The following TENM3 variants were observed in gnomAD, a reference collection of about 807,000 sequenced individuals.
TENM3 encodes teneurin-3.
In TENM3, 63 loss-of-function variants were observed where a neutral mutation model predicts 255.1. The ratio of observed to expected loss-of-function variants is 0.25; its 90% CI spans 0.20 to 0.30. The LOEUF is 0.30. Among genes scored for constraint, TENM3 ranks in the 10% least tolerant of loss-of-function variants. The pLI, the probability that TENM3 is intolerant of heterozygous loss-of-function variation, is 1.00. For synonymous variants in TENM3, 1,306 were observed against 1,322.3 expected (o/e 0.99, Z 0.27); for missense variants, 2,929 against 3,461.1 (o/e 0.85, Z 3.86).
Position 182,601,004 on chromosome 4 carries a change from C to T in TENM3, c.592C>T (p.Pro198Ser), listed in dbSNP as rs371191094. ...SHKQHSAQHHPSITSLNRNSL... is the reference protein window; with the variant it reads ...SHKQHSAQHHSSITSLNRNSL... ...TAAGCAGCACTCTGCACAGCATCAT[C>T]CATCCATCACTTCTCTCAACAGAAA... The change falls in exon 4 of 28, where the codon CCA becomes TCA. Residue 198 changes from proline (P) to serine (S), a missense_variant. This residue lies in a region of TENM3 where 283 missense variants were observed against 256.9 expected (regional missense o/e 1.10). Coordinates refer to ENST00000511685, the MANE Select transcript of TENM3 (RefSeq NM_001080477.4). 6.8e-6 allele frequency: 11 copies of T among 1,609,384 alleles called. No homozygotes were observed. The African/African-American group carries it at 1.4e-4, about 20-fold the overall frequency.
the TENM3 span, among the ~76,000 whole-genome samples, chr4:181,972,879 T>C: frequency 1.2e-4 from 19 of 152,320 alleles, no homozygotes; most frequent in African/African-American, 4.6e-4. Context: ...CACATTGTTA[T>C]ACACATTAAT....
chr4:182,246,746 G>A (rs1757680754), intron 1 of TENM3, among the ~76,000 whole-genome samples: 2 of 152,196 alleles, frequency 1.3e-5, no homozygotes, highest in African/African-American at 4.8e-5. Flanking sequence ...GGGCGGGGGC[G>A]TTCCCTCCCT....
chr4:182,206,326 G>A (rs1394468461), intron 1 of TENM3, among the ~76,000 whole-genome samples: 1 of 152,152 alleles, frequency 6.6e-6, no homozygotes, highest in Admixed American at 6.5e-5. Context: ...CAGAGCCTCA[G>A]GATTGCTCCA....
At chr4:181,938,511 T>G in the TENM3 span, among the ~76,000 whole-genome samples, 1 of 152,246 alleles carries the variant, frequency 6.6e-6, no homozygotes, top group Non-Finnish European at 1.5e-5. Flanking sequence ...TGTTCACTTT[T>G]CGTTGTCCAC....
chr4:182,397,602 G>A (rs1421954269), intron 3 of TENM3, among the ~76,000 whole-genome samples: 7 of 151,998 alleles, frequency 4.6e-5, no homozygotes, highest in Non-Finnish European at 7.4e-5. Flanking sequence ...GGCTGAGAAA[G>A]GTTAGAATCA....
chr4:182,092,658 T>A, the TENM3 span, among the ~76,000 whole-genome samples: 1 of 152,134 alleles, frequency 6.6e-6, no homozygotes, highest in South Asian at 2.1e-4. Flanking sequence ...AAAATAAAAA[T>A]AAACATAAAT....
the TENM3 span, among the ~76,000 whole-genome samples, chr4:181,584,754 T>G: frequency 6.6e-6 from 1 of 152,266 alleles, no homozygotes; most frequent in Non-Finnish European, 1.5e-5. Flanking sequence ...CTTTTTAAAA[T>G]TACAATTGCA....
At chr4:181,887,070 T>C in the TENM3 span, among the ~76,000 whole-genome samples, 1 of 152,190 alleles carries the variant, frequency 6.6e-6, no homozygotes, top group Non-Finnish European at 1.5e-5. Context: ...TTCTACAGTG[T>C]ACTTTAAAAA....
At chr4:181,988,171 C>T in the TENM3 span, among the ~76,000 whole-genome samples, 1 of 152,028 alleles carries the variant, frequency 6.6e-6, no homozygotes, top group African/African-American at 2.4e-5. Flanking sequence ...CCTTCACTAT[C>T]GTATCTTTTT....
chr4:181,751,340 A>G, the TENM3 span, among the ~76,000 whole-genome samples: 666 of 150,870 alleles, frequency 4.4e-3, 3 homozygotes, highest in Non-Finnish European at 5.8e-3. Flanking sequence ...CCAACAAACC[A>G]TCTTGTTTTC....
At chr4:182,637,659 G>A (rs560757169) in intron 5 of TENM3, among the ~76,000 whole-genome samples, 2 of 152,284 alleles carry the variant, frequency 1.3e-5, no homozygotes, top group South Asian at 4.1e-4. Flanking sequence ...TATTTATCAG[G>A]TGACTACCAT....
At chr4:182,724,614 C>T (rs1375875217) in intron 13 of TENM3, among the ~76,000 whole-genome samples, 3 of 152,218 alleles carry the variant, frequency 2.0e-5, no homozygotes, top group African/African-American at 7.2e-5. Flanking sequence ...CTGCAGACTA[C>T]ATGCCAGATG....
chr4:182,088,988 C>T, the TENM3 span, among the ~76,000 whole-genome samples: 1 of 152,044 alleles, frequency 6.6e-6, no homozygotes, highest in Non-Finnish European at 1.5e-5. Context: ...GTCATGAGGG[C>T]GGAGCTCTTA....
chr4:182,497,880 A>ATATATATATATC (rs1389184818), intron 3 of TENM3, among the ~76,000 whole-genome samples: 2 of 146,460 alleles, frequency 1.4e-5, no homozygotes, highest in African/African-American at 5.1e-5. Context: ...ATATATATAT[A>ATATATATATATC]TATCTCAACC....
At chr4:181,797,701 G>A in the TENM3 span, among the ~76,000 whole-genome samples, 2 of 152,100 alleles carry the variant, frequency 1.3e-5, no homozygotes, top group Admixed American at 6.6e-5. Context: ...CATAGGCTTC[G>A]CAGTGATTAT....
chr4:181,709,990 C>A, the TENM3 span, among the ~76,000 whole-genome samples: 63 of 152,136 alleles, frequency 4.1e-4, no homozygotes, highest in African/African-American at 1.5e-3. Context: ...GTAATTTACT[C>A]TGGACACATT....
intron 3 of TENM3, among the ~76,000 whole-genome samples, chr4:182,428,952 A>G (rs569346633): frequency 6.6e-6 from 1 of 152,278 alleles, no homozygotes; most frequent in Admixed American, 6.5e-5. Flanking sequence ...GTGTGTATAA[A>G]TATGTGTGAC....
At chr4:181,876,949 T>G in the TENM3 span, 1 of 152,160 alleles carries the variant, frequency 6.6e-6, no homozygotes, top group African/African-American at 2.4e-5. Flanking sequence ...AATAATTATA[T>G]GATTAATAAC....
chr4:182,451,319 C>T, intron 3 of TENM3, among the ~76,000 whole-genome samples: 1 of 152,264 alleles, frequency 6.6e-6, no homozygotes, highest in East Asian at 1.9e-4. Context: ...AGAAAAGCGA[C>T]TTCACATGGA....
Sources: gnomAD v4.1 joint callset for allele counts (sites outside exome capture counted in the v4.1 genomes callset) on GRCh38, gnomAD v4.1.1 for gene constraint, gnomAD v4.1.1 regional missense constraint, MANE v1.5 for transcripts, NCBI Gene and HGNC (gene_info 2026-07-23, HGNC 2026-07-21) for gene names.